KCNN2: variants seen among roughly 807,000 people sequenced by gnomAD.
KCNN2 encodes the protein potassium calcium-activated channel subfamily N member 2, also known as small conductance calcium-activated potassium channel protein 2.
Under a neutral mutation model 55.5 loss-of-function variants are expected in KCNN2, and 24 were observed. The observed-to-expected ratio is 0.43, with a 90% CI of 0.31 to 0.61. The LOEUF is 0.61. Among genes scored for constraint, KCNN2 ranks in the 20% least tolerant of loss-of-function variants. KCNN2 has a pLI of 0.08. For missense variants in KCNN2, 754 were observed against 853.6 expected (o/e 0.88, Z 1.45); for synonymous variants, 431 against 336.1 (o/e 1.28, Z -3.09).
At chr5:114,269,480 C>T (rs1755276725) in intron 2 of KCNN2, among the ~76,000 whole-genome samples, 1 of 143,886 alleles carries the variant, frequency 6.9e-6, no homozygotes, top group Admixed American at 7.2e-5. Context: ...AGGTTTTCTC[C>T]CAGTGGTTCT....
rs149792744 is a variant in KCNN2 at position 114,473,146 on chromosome 5, T to C, written c.1872T>C (p.Asp624=). The C allele has an allele frequency of 3.8e-6, 6 of 1,576,782 alleles. No individual in the cohort carries two copies. Among genetic ancestry groups the C allele is most frequent in the Middle Eastern group, 1.7e-4 (1 of 5,976 alleles). ...AEKHVHNFMM[D]TQLTKRVKNA... ...AACACGTGCACAATTTCATGATGGA[T>C]ACTCAGCTGACTAAAAGAGTAAGTT... Residue 624 remains aspartate, a synonymous_variant, in exon 5 of 8, where the codon GAT becomes GAC. Transcript: ENST00000673685.
At chr5:114,080,261 T>A (rs982408377) in intron 1 of KCNN2, among the ~76,000 whole-genome samples, 1 of 152,186 alleles carries the variant, frequency 6.6e-6, no homozygotes, top group African/African-American at 2.4e-5. Context: ...TAATTAGCAG[T>A]AGAACTTATT....
chr5:114,371,906 C>G (rs1448034340), intron 2 of KCNN2, among the ~76,000 whole-genome samples: 1 of 152,134 alleles, frequency 6.6e-6, no homozygotes, highest in African/African-American at 2.4e-5. Context: ...TATGCCGACT[C>G]TTATTAGTCT....
At chr5:114,073,436 T>A (rs1750619338) in intron 1 of KCNN2, among the ~76,000 whole-genome samples, 1 of 152,266 alleles carries the variant, frequency 6.6e-6, no homozygotes, top group Non-Finnish European at 1.5e-5. Context: ...ACTTTATTGA[T>A]GGCTCCTTGT....
chr5:114,122,891 T>A (rs772984085), intron 1 of KCNN2, among the ~76,000 whole-genome samples: 16 of 152,182 alleles, frequency 1.1e-4, no homozygotes, highest in Non-Finnish European at 1.6e-4. Context: ...AGCAAATTCT[T>A]GTAAGTAGAA....
At chr5:114,424,482 C>T (rs891681239) in intron 3 of KCNN2, among the ~76,000 whole-genome samples, 2 of 152,206 alleles carry the variant, frequency 1.3e-5, no homozygotes, top group Non-Finnish European at 2.9e-5. Flanking sequence ...TAGCCTGTGC[C>T]ACTGCCTACA....
At position 114,397,482 on chromosome 5, in the gene KCNN2, G is replaced by C. The variant is rs1324406102; in HGVS notation, c.1219-6956G>C. 2.0e-5 allele frequency among the ~76,000 whole-genome samples: 3 copies of C among 152,118 alleles called. No homozygotes were observed. In the South Asian group the frequency reaches 6.2e-4, roughly 32 times the overall value. On this transcript the variant is annotated intron_variant, in intron 2 of 7. Transcript: ENST00000673685. ...GCTCACTGCAACCTCTGCTTCCTGGGTTCAAGTGATTCTTCTGTCTCAGCC... is the reference window on the plus strand; with the variant it reads ...GCTCACTGCAACCTCTGCTTCCTGGCTTCAAGTGATTCTTCTGTCTCAGCC...
chr5:114,148,287 A>G (rs1464237539), intron 1 of KCNN2, among the ~76,000 whole-genome samples: 1 of 152,184 alleles, frequency 6.6e-6, no homozygotes, highest in Non-Finnish European at 1.5e-5. Flanking sequence ...GATAGGTTTA[A>G]TAACTGCATT....
chr5:114,189,792 C>G (rs529143630), intron 1 of KCNN2, among the ~76,000 whole-genome samples: 2 of 152,020 alleles, frequency 1.3e-5, no homozygotes, highest in Non-Finnish European at 1.5e-5. Context: ...CAGAAAGATA[C>G]GCACACATAC....
intron 3 of KCNN2, among the ~76,000 whole-genome samples, chr5:114,423,197 G>A (rs756969139): frequency 3.3e-5 from 5 of 152,114 alleles, no homozygotes; most frequent in Admixed American, 6.6e-5. Context: ...CACTAAACCT[G>A]GAACAGAACC....
chr5:114,340,676 G>A (rs1216678423), intron 2 of KCNN2, among the ~76,000 whole-genome samples: 1 of 151,830 alleles, frequency 6.6e-6, no homozygotes, highest in African/African-American at 2.4e-5. Flanking sequence ...GCATGTGTGT[G>A]TGTGTGTGTG....
intron 2 of KCNN2, among the ~76,000 whole-genome samples, chr5:114,339,243 T>C (rs1258876510): frequency 6.6e-6 from 1 of 152,226 alleles, no homozygotes; most frequent in Non-Finnish European, 1.5e-5. Context: ...TCGTGAAGGC[T>C]GAGGTCTTGT....
intron 3 of KCNN2, among the ~76,000 whole-genome samples, chr5:114,410,250 A>C (rs1244646883): frequency 6.6e-6 from 1 of 152,090 alleles, no homozygotes; most frequent in Non-Finnish European, 1.5e-5. Context: ...GTACCTTTTG[A>C]GACTTCTCTA....
chr5:114,088,396 C>T (rs1751061632), intron 1 of KCNN2, among the ~76,000 whole-genome samples: 1 of 150,676 alleles, frequency 6.6e-6, no homozygotes, highest in Non-Finnish European at 1.5e-5. Context: ...TTTTTGAGCT[C>T]ATTTTTCTGC....
At chr5:114,335,963 G>T (rs999394722) in intron 2 of KCNN2, among the ~76,000 whole-genome samples, 3 of 152,158 alleles carry the variant, frequency 2.0e-5, no homozygotes, top group Non-Finnish European at 4.4e-5. Context: ...CTCAGGTTTT[G>T]ATTCAAGTTA....
chr5:114,173,778 T>C (rs948382797), intron 1 of KCNN2, among the ~76,000 whole-genome samples: 5 of 151,958 alleles, frequency 3.3e-5, no homozygotes, highest in Non-Finnish European at 5.9e-5. Context: ...AGAATATTTT[T>C]ACTATATTAT....
At chr5:114,367,140 C>T (rs1055049758) in intron 2 of KCNN2, among the ~76,000 whole-genome samples, 2 of 152,184 alleles carry the variant, frequency 1.3e-5, no homozygotes, top group Non-Finnish European at 2.9e-5. Context: ...TGTTTATACA[C>T]ACTCTGGCAA....
rs906440538 is a variant in KCNN2 at position 114,116,168 on chromosome 5, C to T, written c.-271+59668C>T. On this transcript the variant is annotated intron_variant, in intron 1 of 10. Coordinates refer to the KCNN2 transcript ENST00000512097. ...TGGAGCCAAGTAGAAAGTGAGACCTCCCCAAGTCACAAAGAGAGAGAGAGC... is the reference window on the plus strand; with the variant it reads ...TGGAGCCAAGTAGAAAGTGAGACCTTCCCAAGTCACAAAGAGAGAGAGAGC... 2.6e-5 allele frequency among the ~76,000 whole-genome samples: 4 copies of T among 152,082 alleles called. 1 individual carries two copies. The South Asian group carries it at 8.3e-4, about 32-fold the overall frequency.
At chr5:114,197,879 T>G (rs542600103) in intron 1 of KCNN2, among the ~76,000 whole-genome samples, 28 of 152,328 alleles carry the variant, frequency 1.8e-4, no homozygotes, top group African/African-American at 6.5e-4. Flanking sequence ...TTACTTTTCT[T>G]ACTGATATTT....
Sources: gnomAD v4.1 joint callset for allele counts (sites outside exome capture counted in the v4.1 genomes callset) on GRCh38, gnomAD v4.1.1 for gene constraint, MANE v1.5 for transcripts, NCBI Gene and HGNC (gene_info 2026-07-23, HGNC 2026-07-21) for gene names.